The following RASL12 variants were observed in gnomAD, a reference collection of about 807,000 sequenced individuals.
RASL12 encodes the protein ras-like protein family member 12.
In RASL12, 16 loss-of-function variants were observed where a neutral mutation model predicts 22.9. That is an observed-to-expected ratio of 0.70 (90% CI 0.47 to 1.06). RASL12 has a LOEUF of 1.06. Ranked by LOEUF, RASL12 falls within the 50% of genes least tolerant of loss-of-function variation. RASL12 has a pLI of 0.00. For missense variants in RASL12, 306 were observed against 353.1 expected, an observed-to-expected ratio of 0.87 and a Z score of 1.07; for synonymous variants, 159 against 152.2, an observed-to-expected ratio of 1.04 and a Z score of -0.33.
At chr15:65,057,729 G>A (rs1421161062) in intron 4 of RASL12, among the ~76,000 whole-genome samples, 1 of 152,104 alleles carries the variant, frequency 6.6e-6, no homozygotes, top group Non-Finnish European at 1.5e-5. Flanking sequence ...CCTGACCAAG[G>A]AGCCCATCAG....
chr15:65,075,601 GT>G (rs2086961869), intron 1 of RASL12, among the ~76,000 whole-genome samples: 1 of 152,154 alleles, frequency 6.6e-6, no homozygotes, highest in Non-Finnish European at 1.5e-5. Flanking sequence ...AGCACCCTGT[GT>G]CTAGCTCAGG....
downstream of RASL12, chr15:65,051,659 C>T (rs1486470352): frequency 4.5e-6 from 7 of 1,548,932 alleles, no homozygotes; most frequent in Admixed American, 1.2e-4. Context: ...AGAGGCCCTG[C>T]CTTCCCAGAG....
downstream of RASL12, chr15:65,050,093 T>A: frequency 6.4e-7 from 1 of 1,551,398 alleles, no homozygotes; most frequent in Non-Finnish European, 8.7e-7. Flanking sequence ...TTTTTTCGTG[T>A]GGAAGATGGT....
At chr15:65,070,857 G>A (rs561170501), upstream of RASL12, among the ~76,000 whole-genome samples, 2 of 152,212 alleles carry the variant, frequency 1.3e-5, no homozygotes, top group Non-Finnish European at 2.9e-5. Context: ...TTAGAAGGCA[G>A]ATTCAAATTC....
At chr15:65,065,410 G>C in intron 1 of RASL12, 137 bp from the exon 2 acceptor site, 1 of 798,548 alleles carries the variant, frequency 1.3e-6, no homozygotes, top group Non-Finnish European at 2.0e-6. Context: ...AATGAAGCTA[G>C]GGAACTGAGG....
chr15:65,054,589 G>A lies in RASL12; in HGVS notation c.*310C>T. 1 of 1,161,792 alleles carries A rather than the reference G, an allele frequency of 8.6e-7. No individual in the cohort carries two copies. The highest frequency in any genetic ancestry group is 1.1e-6 in the Non-Finnish European group (1 of 939,048). 72.0% of individuals were successfully genotyped at this position (1,161,792 alleles called of 1,614,324 possible). A position where few individuals can be genotyped will look rare whatever the true frequency, so the allele number is the denominator to read the frequency against. Reference sequence around the variant, plus strand: ...GTAGCTGGAGCAGGAAGGGCTGATGGCAGCAGGATAGACACTGCAATTTCT... The same window carrying A: ...GTAGCTGGAGCAGGAAGGGCTGATGACAGCAGGATAGACACTGCAATTTCT... On this transcript the variant is annotated 3_prime_UTR_variant, in exon 5 of 5. Coordinates refer to ENST00000220062, the MANE Select transcript of RASL12 (RefSeq NM_016563.4).
At chr15:65,070,797 C>A (rs2086926563), upstream of RASL12, among the ~76,000 whole-genome samples, 1 of 152,224 alleles carries the variant, frequency 6.6e-6, no homozygotes, top group Admixed American at 6.5e-5. Context: ...ATGACAACCA[C>A]TTCTGTGGTT....
chr15:65,053,490 G>A lies in RASL12; in HGVS notation c.*1409C>T. 1 of 1,128,728 alleles carries A rather than the reference G, an allele frequency of 8.9e-7. No homozygotes were observed. The allele number at this position is 1,128,728 out of a possible 1,614,324, so 69.9% of individuals were successfully genotyped here. A position where few individuals can be genotyped will look rare whatever the true frequency, so the allele number is the denominator to read the frequency against. ...AATCCGTAGCTGGCCTGTGGGTCGG[G>A]AAGCCTGTAGGACTGCAAGCATGTG... On this transcript the variant is annotated 3_prime_UTR_variant, in exon 5 of 5. Coordinates refer to ENST00000220062, the MANE Select transcript of RASL12 (RefSeq NM_016563.4).
chr15:65,051,780 A>AAACT (rs2086656476), downstream of RASL12, among the ~76,000 whole-genome samples: 1 of 151,400 alleles, frequency 6.6e-6, no homozygotes, highest in Non-Finnish European at 1.5e-5. Flanking sequence ...ACAAACAAAC[A>AAACT]AACAAACAAA....
At chr15:65,049,613 G>A (rs937611635), downstream of RASL12, 2 of 147,940 alleles carry the variant, frequency 1.4e-5, no homozygotes, top group Non-Finnish European at 2.9e-5. Context: ...ACGCTGAACA[G>A]GCAGGCGAAG....
chr15:65,055,406 C>T (rs1287602032), intron 4 of RASL12, 132 bp from the exon 5 acceptor site: 8 of 740,276 alleles, frequency 1.1e-5, no homozygotes, highest in Admixed American at 2.9e-5. Flanking sequence ...TGAGTCTCAG[C>T]GTTCTTATCA....
At chr15:65,048,221 CT>C in the RASL12 span, among the ~76,000 whole-genome samples, 17 of 151,956 alleles carry the variant, frequency 1.1e-4, no homozygotes, top group Non-Finnish European at 1.9e-4. Context: ...TAAGAAAGGT[CT>C]TTTTTTCTCC....
At chr15:65,065,349 T>A in intron 1 of RASL12, 76 bp from the exon 2 acceptor site, 1 of 1,348,866 alleles carries the variant, frequency 7.4e-7, no homozygotes, top group Non-Finnish European at 1.0e-6. Flanking sequence ...AAGGGAGGCC[T>A]TATCTAACCT....
upstream of RASL12, chr15:65,068,236 G>C (rs924010832): frequency 9.4e-5 from 93 of 988,416 alleles, no homozygotes; most frequent in East Asian, 1.1e-4. This position sits in a 1 kb window ranked among gnomAD's most constrained non-coding sequence, Gnocchi z 4.2. Context: ...CCAGGGCTAG[G>C]GGGAGAGAGG....
chr15:65,066,658 G>A (rs774703448), intron 1 of RASL12, among the ~76,000 whole-genome samples: 1 of 152,116 alleles, frequency 6.6e-6, no homozygotes. Flanking sequence ...AAACGGTACC[G>A]GTTACAGAGC....
In RASL12 at chr15:65,059,425, CACAGATGGTTAGCCAGGTCAGACACAG is replaced by C; in HGVS notation, c.161-34_161-8del. The C allele has an allele frequency of 6.2e-7, 1 of 1,612,796 alleles. No individual in the cohort carries two copies. The highest frequency in any genetic ancestry group is 8.5e-7 in the Non-Finnish European group (1 of 1,179,186). ...TCGGAGCTGTAGGTGTCCTCTACAA[CACAGATGGTTAGCCAGGTCAGACACAG>C]TGCCTTGGGTGTAAGTTTGAGCTTC... On this transcript the variant is annotated splice_region_variant and splice_polypyrimidine_tract_variant and intron_variant, in intron 2 of 4. Coordinates refer to ENST00000220062, the MANE Select transcript of RASL12 (RefSeq NM_016563.4).
chr15:65,061,819 G>A (rs1459498584), intron 2 of RASL12, among the ~76,000 whole-genome samples: 1 of 151,926 alleles, frequency 6.6e-6, no homozygotes, highest in Non-Finnish European at 1.5e-5. Flanking sequence ...GGAGGCCAAG[G>A]TGGGCGGATC....
chr15:65,054,186 T>C lies in RASL12; in HGVS notation c.*713A>G, dbSNP rs2086695774. On this transcript the variant is annotated 3_prime_UTR_variant, in exon 5 of 5. Coordinates refer to ENST00000220062, the MANE Select transcript of RASL12 (RefSeq NM_016563.4). ...GTTCTTTGGACAGAGTCCTTAACAG[T>C]GGGAAAACACATGGAGAATCTGTCT... 3.3e-5 allele frequency: 33 copies of C among 985,942 alleles called. No homozygotes were observed. Among genetic ancestry groups the C allele is most frequent in the Non-Finnish European group, 4.0e-5 (33 of 829,994 alleles). 61.1% of individuals were successfully genotyped at this position (985,942 alleles called of 1,614,324 possible). A position where few individuals can be genotyped will look rare whatever the true frequency, so the allele number is the denominator to read the frequency against.
chr15:65,076,469 C>T (rs926134483), intron 1 of RASL12: 3 of 651,228 alleles, frequency 4.6e-6, no homozygotes, highest in Non-Finnish European at 5.5e-6. Context: ...ACTCCAAACA[C>T]ATCTGAACAT....
Sources: allele counts gnomAD v4.1 joint callset (sites outside exome capture counted in the v4.1 genomes callset), GRCh38; gene constraint gnomAD v4.1.1; non-coding constraint Gnocchi (gnomAD v3.1); transcripts MANE v1.5; gene names NCBI Gene and HGNC (gene_info 2026-07-23, HGNC 2026-07-21).